MATK: variants seen among roughly 807,000 people sequenced by gnomAD.
The protein encoded by MATK is megakaryocyte-associated tyrosine kinase.
In MATK, 41 loss-of-function variants were observed where a neutral mutation model predicts 59.8. The ratio of observed to expected loss-of-function variants is 0.69; its 90% CI spans 0.53 to 0.89. The LOEUF (loss-of-function observed/expected upper bound fraction) is 0.89. Among genes scored for constraint, MATK ranks in the 40% least tolerant of loss-of-function variants. The pLI is 0.00. For missense variants in MATK, 593 were observed against 719.6 expected (o/e 0.82, Z 2.01); for synonymous variants, 308 against 306.1 (o/e 1.01, Z -0.06).
upstream of MATK, among the ~76,000 whole-genome samples, chr19:3,789,011 C>T (rs910666225): frequency 1.8e-4 from 28 of 152,116 alleles, no homozygotes; most frequent in African/African-American, 6.5e-4. Flanking sequence ...AACTTTCTTT[C>T]ATGGGGTTGT....
In MATK at chr19:3,795,276, C is replaced by CTTT. The variant is rs35580481; in HGVS notation, c.-57-5875_-57-5873dup. On this transcript the variant is annotated intron_variant, in intron 1 of 13. Transcript: ENST00000395045. Reference sequence around the variant, plus strand: ...ATGGGCGTGAGCCACCAAGCCTGGCCTTTTTTTTTTTTTTGAGACAGAGTC... The same window carrying CTTT: ...ATGGGCGTGAGCCACCAAGCCTGGCCTTTTTTTTTTTTTTTTTGAGACAGAGTC... Among the ~76,000 whole-genome samples the CTTT allele has an allele frequency of 1.7e-3, 215 of 127,878 alleles. 1 individual carries two copies. Among genetic ancestry groups the CTTT allele is most frequent in the South Asian group, 2.5e-3 (10 of 4,036 alleles). 83.9% of individuals were successfully genotyped at this position (127,878 alleles called of 152,430 possible).
At chr19:3,778,473 C>A in intron 13 of MATK, 36 bp downstream of exon 13, 1 of 1,613,788 alleles carries the variant, frequency 6.2e-7, no homozygotes, top group Non-Finnish European at 8.5e-7. Context: ...TCTGGACCTG[C>A]CCGGAACCCA....
upstream of MATK, among the ~76,000 whole-genome samples, chr19:3,786,795 A>G (rs1363221247): frequency 6.6e-6 from 1 of 152,182 alleles, no homozygotes. The surrounding 1 kb of genome is among the most constrained non-coding windows in gnomAD (Gnocchi z 4.1). Flanking sequence ...TATCATTATC[A>G]TAATCATCAA....
At position 3,786,177 on chromosome 19, in the gene MATK, G is replaced by A. The variant is rs1407473901; in HGVS notation, c.-160C>T. 2.0e-6 allele frequency: 2 copies of A among 980,470 alleles called. No individual in the cohort carries two copies. The allele number at this position is 980,470 out of a possible 1,614,324, so 60.7% of individuals were successfully genotyped here. ...CCCGCCGACGTGCTCACCTGCTCAG[G>A]GGGCGCCCCCGAGCCGCGCCCCGCG... On this transcript the variant is annotated 5_prime_UTR_variant, in exon 1 of 14. Transcript: ENST00000310132. This position sits in a 1 kb window ranked among gnomAD's most constrained non-coding sequence, Gnocchi z 4.1.
intron 1 of MATK, among the ~76,000 whole-genome samples, chr19:3,794,975 C>CTTTTTTTTTTTTTTTTTTTTTTTT (rs532158792): frequency 9.3e-6 from 1 of 107,916 alleles, no homozygotes; most frequent in Non-Finnish European, 1.8e-5. Context: ...TTTTCTTTTG[C>CTTTTTTTTTTTTTTTTTTTTTTTT]TTTTTTTTTT....
Position 3,779,028 on chromosome 19 carries a change from G to C in MATK, c.1161C>G (p.Pro387=). The C allele has an allele frequency of 6.3e-7, 1 of 1,585,188 alleles. No homozygotes were observed. The highest frequency in any genetic ancestry group is 8.6e-7 in the Non-Finnish European group (1 of 1,167,354). ...GAGCCTCGGGCGCCGTCCACTTGAC[G>C]GGCAGCCGGCTTGAGTCTAGCCCCT... ...ERKGLDSSRL[P]VKWTAPEALK... The change falls in exon 12 of 14, where the codon CCC becomes CCG. Residue 387 remains proline (P), a synonymous_variant. Transcript: ENST00000310132.
Position 3,785,436 on chromosome 19 carries a change from C to CG in MATK, c.-151-151_-151-150insC, listed in dbSNP as rs1234538860. 2.9e-5 allele frequency: 15 copies of CG among 517,264 alleles called. No homozygotes were observed. In the East Asian group the frequency reaches 4.9e-4, roughly 17 times the overall value. The allele number at this position is 517,264 out of a possible 1,614,324, so 32.0% of individuals were successfully genotyped here. On this transcript the variant is annotated intron_variant, in intron 1 of 13. Transcript: ENST00000310132. The stretch of plus-strand genomic sequence containing the variant: ...CCACCCGCTGAGCCTCTCTGATCCC[C>CG]CCCCAAACCCAGGACAGACACACAA...
intron 7 of MATK, chr19:3,782,882 A>G (rs1305431837): frequency 9.8e-6 from 5 of 511,060 alleles, no homozygotes; most frequent in Admixed American, 3.6e-5. Flanking sequence ...GTTCGGGGCC[A>G]GGTTTCTGGC....
chr19:3,783,020 AG>A, intron 7 of MATK, 105 bp downstream of exon 7: 7 of 977,394 alleles, frequency 7.2e-6, no homozygotes, highest in Non-Finnish European at 1.1e-5. Flanking sequence ...GCATGGAGAC[AG>A]GCTTGGGTGA....
In MATK at chr19:3,783,928, G is replaced by C; in HGVS notation, c.468C>G (p.Tyr156Ter). 1 of 1,612,810 alleles carries C rather than the reference G, an allele frequency of 6.2e-7. No individual in the cohort carries two copies. The highest frequency in any genetic ancestry group is 8.5e-7 in the Non-Finnish European group (1 of 1,179,846). ...CGCGGCCAAAGCTCACGCACAGGAC[G>C]TAGTCGCCGGGGTGGCGCGCGGACT... Reference protein sequence around the residue: ...VRESARHPGDYVLCVSFGRDV... With the variant: ...VRESARHPGD The change falls in exon 6 of 14, where the codon TAC becomes TAG. Residue 156 changes from tyrosine (Y) to a stop codon, truncating the protein, a stop_gained. Transcript: ENST00000310132. LOFTEE classifies it high-confidence loss of function.
At position 3,784,108 on chromosome 19, in the gene MATK, T is replaced by C. The variant is rs762373040; in HGVS notation, c.362+16A>G. The C allele has an allele frequency of 1.3e-6, 2 of 1,599,796 alleles. No homozygotes were observed. Among genetic ancestry groups the C allele is most frequent in the South Asian group, 1.1e-5 (1 of 89,806 alleles). The stretch of plus-strand genomic sequence containing the variant: ...CTTGCTGTCCCCTACCCCAGGCCCC[T>C]GTCCTGCCCACTCACGGCATGAGGC... On this transcript the variant is annotated intron_variant, in intron 5 of 13. Transcript: ENST00000310132.
intron 1 of MATK, among the ~76,000 whole-genome samples, chr19:3,800,433 G>A (rs1191842091): frequency 6.6e-6 from 1 of 152,090 alleles, no homozygotes. Flanking sequence ...ATCATCTGAG[G>A]TCAGGAGTTT....
intron 9 of MATK, 26 bp downstream of exon 9, chr19:3,779,672 G>A: frequency 6.2e-7 from 1 of 1,611,068 alleles, no homozygotes; most frequent in Non-Finnish European, 8.5e-7. Context: ...CCGTCCCACG[G>A]TCCCCAGCCC....
chr19:3,794,392 G>A (rs559210987), intron 1 of MATK, among the ~76,000 whole-genome samples: 5 of 152,312 alleles, frequency 3.3e-5, no homozygotes, highest in Admixed American at 1.3e-4. Flanking sequence ...GAAGGCTCAC[G>A]CTTGCAATCC....
chr19:3,784,393 G>C lies in MATK; in HGVS notation c.191C>G (p.Pro64Arg). 6.2e-7 allele frequency: 1 copy of C among 1,608,658 alleles called. No homozygotes were observed. The highest frequency in any genetic ancestry group is 8.5e-7 in the Non-Finnish European group (1 of 1,178,896). The change falls in exon 4 of 14, where the codon CCA becomes CGA. Residue 64 changes from proline to arginine, a missense_variant. Physicochemically the swap from Pro to Arg is moderately radical, Grantham distance 103 (BLOSUM62 -2). Transcript: ENST00000310132. Reference protein sequence around the residue: ...ITKCEHTRPKPGELAFRKGDV... With the variant: ...ITKCEHTRPKRGELAFRKGDV... The stretch of plus-strand genomic sequence containing the variant: ...GCCCTTGCGGAAGGCCAGCTCCCCT[G>C]GCTTGGGGCGGGTGTGCTCGCATTT...
upstream of MATK, chr19:3,789,311 T>C (rs757211173): frequency 9.0e-6 from 7 of 778,816 alleles, no homozygotes; most frequent in South Asian, 1.3e-5. Context: ...CGCCGAGGTC[T>C]GCCTTCTCTT....
chr19:3,793,626 C>T (rs1414986205), intron 1 of MATK, among the ~76,000 whole-genome samples: 1 of 151,002 alleles, frequency 6.6e-6, no homozygotes, highest in Non-Finnish European at 1.5e-5. Flanking sequence ...GGCGTGAACC[C>T]GGGAGGCAGA....
At chr19:3,798,257 T>C (rs2037612906) in intron 1 of MATK, among the ~76,000 whole-genome samples, 1 of 152,026 alleles carries the variant, frequency 6.6e-6, no homozygotes, top group Non-Finnish European at 1.5e-5. Flanking sequence ...AGGTTACTTT[T>C]CTTTTCTCTT....
At chr19:3,788,705 C>A (rs1490106368), upstream of MATK, among the ~76,000 whole-genome samples, 1 of 152,014 alleles carries the variant, frequency 6.6e-6, no homozygotes, top group African/African-American at 2.4e-5. Flanking sequence ...AAACGATCCT[C>A]CAACCTTGGC....
Sources: gnomAD v4.1 joint callset for allele counts (sites outside exome capture counted in the v4.1 genomes callset) on GRCh38, gnomAD v4.1.1 for gene constraint, Gnocchi (gnomAD v3.1) non-coding constraint, MANE v1.5 for transcripts, NCBI Gene and HGNC (gene_info 2026-07-23, HGNC 2026-07-21) for gene names.